Variants in ATAD2B observed in about 807,000 individuals in gnomAD.
ATAD2B encodes the protein ATPase family AAA domain containing 2B, also known as ATPase family AAA domain-containing protein 2B.
A neutral mutation model predicts 167.6 loss-of-function variants in ATAD2B; 40 were observed. The observed-to-expected ratio is 0.24, with a 90% CI of 0.19 to 0.31. The LOEUF is 0.31. Ranked by LOEUF, ATAD2B falls within the 10% of genes least tolerant of loss-of-function variation. The pLI, the probability that ATAD2B is intolerant of heterozygous loss-of-function variation, is 1.00. For missense variants in ATAD2B, 1,242 were observed against 1,757.2 expected (o/e 0.71, Z 5.24); for synonymous variants, 579 against 596.5 (o/e 0.97, Z 0.43).
chr2:23,818,308 GAGAA>G (rs1686891916), intron 17 of ATAD2B, among the ~76,000 whole-genome samples: 2 of 121,486 alleles, frequency 1.6e-5, no homozygotes, highest in South Asian at 3.0e-4. Flanking sequence ...GAGAGAGAGA[GAGAA>G]AGAGAGAGAG....
chr2:23,901,397 T>C (rs1411511005), intron 1 of ATAD2B, among the ~76,000 whole-genome samples: 6 of 151,620 alleles, frequency 4.0e-5, no homozygotes, highest in Admixed American at 1.3e-4. Flanking sequence ...CTGAAGAATC[T>C]AGCCTAAATT....
In ATAD2B at chr2:23,861,478, T is replaced by TA. The variant is rs201161040; in HGVS notation, c.1479+1902dup. The stretch of plus-strand genomic sequence containing the variant: ...AACTTAGGAATGCAGAATCTTTCAT[T>TA]AAAAAAAAAAAAAAAAATCAGGATT... On this transcript the variant is annotated intron_variant, in intron 12 of 27. Coordinates refer to ENST00000238789, the MANE Select transcript of ATAD2B (RefSeq NM_017552.4). Among the ~76,000 whole-genome samples, 387 of 131,536 alleles carry TA rather than the reference T, an allele frequency of 2.9e-3. 1 individual carries two copies. The highest frequency in any genetic ancestry group is 9.3e-3 in the South Asian group (38 of 4,078). 86.3% of individuals were successfully genotyped at this position (131,536 alleles called of 152,430 possible). A position where few individuals can be genotyped will look rare whatever the true frequency, so the allele number is the denominator to read the frequency against.
the ATAD2B span, chr2:23,703,513 T>C: frequency 9.4e-7 from 1 of 1,062,048 alleles, no homozygotes; most frequent in Non-Finnish European, 1.3e-6. Flanking sequence ...GTGGCAGGAG[T>C]TGCCGAGCCC....
chr2:23,835,733 C>T (rs1440165895), intron 13 of ATAD2B, among the ~76,000 whole-genome samples: 2 of 152,042 alleles, frequency 1.3e-5, no homozygotes, highest in Non-Finnish European at 2.9e-5. Context: ...GTCAGGAATT[C>T]GAGACCAGCC....
intron 1 of ATAD2B, among the ~76,000 whole-genome samples, chr2:23,901,548 C>A (rs1002577703): frequency 6.6e-6 from 1 of 151,970 alleles, no homozygotes; most frequent in African/African-American, 2.4e-5. Context: ...TCCTGAATTA[C>A]AAAAACGTAC....
intron 22 of ATAD2B, among the ~76,000 whole-genome samples, chr2:23,772,960 T>C (rs1678561185): frequency 6.6e-6 from 1 of 152,194 alleles, no homozygotes; most frequent in African/African-American, 2.4e-5. Context: ...CACACTGGCC[T>C]CACATTCCTG....
At chr2:23,793,964 T>C (rs372146104) in intron 19 of ATAD2B, among the ~76,000 whole-genome samples, 12 of 152,204 alleles carry the variant, frequency 7.9e-5, no homozygotes, top group African/African-American at 2.9e-4. Flanking sequence ...TTCCAAAATA[T>C]AGAAAGAACA....
intron 21 of ATAD2B, chr2:23,785,818 G>C (rs1680729561): frequency 6.6e-6 from 3 of 455,836 alleles, no homozygotes; most frequent in Admixed American, 7.9e-5. Flanking sequence ...TAATAATTAA[G>C]AGGCCAATAT....
chr2:23,910,717 A>C lies in ATAD2B; in HGVS notation c.217-14747T>G, dbSNP rs531458280. On this transcript the variant is annotated intron_variant, in intron 1 of 27. Transcript: ENST00000238789. ...AGTCCTTCTCTGCTAAAAATACAAA[A>C]ATTAGCTGGGCGTGGGGGAGCACGC... Among the ~76,000 whole-genome samples, 116 of 150,970 alleles carry C rather than the reference A, an allele frequency of 7.7e-4. 1 individual carries two copies. The highest frequency in any genetic ancestry group is 2.7e-3 in the African/African-American group (112 of 41,136).
the ATAD2B span, among the ~76,000 whole-genome samples, chr2:23,715,095 A>G: frequency 6.6e-6 from 1 of 152,190 alleles, no homozygotes. Flanking sequence ...CCACACATCC[A>G]ATGACAGCTG....
At position 23,758,016 on chromosome 2, in the gene ATAD2B, A is replaced by T; in HGVS notation, c.3480T>A (p.Asp1160Glu). The T allele has an allele frequency of 6.2e-7, 1 of 1,610,184 alleles. No homozygotes were observed. Among genetic ancestry groups the T allele is most frequent in the East Asian group, 2.2e-5 (1 of 44,812 alleles). The change falls in exon 25 of 28, where the codon GAT becomes GAA. Residue 1160 changes from aspartate (D) to glutamate (E), a missense_variant. Transcript: ENST00000238789. ...AGTCTGCAAATTTGGTGTCTTCTTCATCTTTTTTTAAATTATTAACTTTCC... is the reference window on the plus strand; with the variant it reads ...AGTCTGCAAATTTGGTGTCTTCTTCTTCTTTTTTTAAATTATTAACTTTCC... Reference protein sequence around the residue: ...KKRKVNNLKKDEEDTKFADYE... With the variant: ...KKRKVNNLKKEEEDTKFADYE...
chr2:23,717,090 C>CACTGG, the ATAD2B span, among the ~76,000 whole-genome samples: 1 of 152,130 alleles, frequency 6.6e-6, no homozygotes, highest in African/African-American at 2.4e-5. Flanking sequence ...ACCTAAAGAC[C>CACTGG]ACTGGACAAC....
At chr2:23,715,863 T>C in the ATAD2B span, among the ~76,000 whole-genome samples, 1 of 152,244 alleles carries the variant, frequency 6.6e-6, no homozygotes, top group African/African-American at 2.4e-5. Context: ...TATTAAAGTA[T>C]GATAAACTAC....
chr2:23,812,104 T>C (rs1463299310), intron 17 of ATAD2B, among the ~76,000 whole-genome samples: 3 of 151,864 alleles, frequency 2.0e-5, no homozygotes, highest in Non-Finnish European at 4.4e-5. Context: ...AAAGCAAATT[T>C]AAAATGGAAC....
At chr2:23,740,665 C>T in the ATAD2B span, among the ~76,000 whole-genome samples, 1 of 152,172 alleles carries the variant, frequency 6.6e-6, no homozygotes. Context: ...CCTCTCTCAC[C>T]ACTCCTATTC....
chr2:23,679,664 G>A, the ATAD2B span, among the ~76,000 whole-genome samples: 10 of 145,336 alleles, frequency 6.9e-5, no homozygotes, highest in Admixed American at 3.4e-4. Flanking sequence ...ATAAAAATAT[G>A]AATAAAACAT....
rs557359113 is a variant in ATAD2B at position 23,910,483 on chromosome 2, ACT to A, written c.217-14515_217-14514del. ...GTGAGCCACTGCGCCCGGCCTGCATACTCTTTTATCTTCATTGTCTGGTCACT... is the reference window on the plus strand; with the variant it reads ...GTGAGCCACTGCGCCCGGCCTGCATACTTTTATCTTCATTGTCTGGTCACT... On this transcript the variant is annotated intron_variant, in intron 1 of 27. Transcript: ENST00000238789. Among the ~76,000 whole-genome samples the A allele has an allele frequency of 1.5e-3, 225 of 150,824 alleles. 9 individuals are homozygous for A. The South Asian group carries it at 0.045, about 30-fold the overall frequency.
intron 1 of ATAD2B, among the ~76,000 whole-genome samples, chr2:23,921,205 CAAAAAAAAAAAA>C (rs61004964): frequency 9.3e-5 from 3 of 32,288 alleles, no homozygotes; most frequent in African/African-American, 1.3e-4. Context: ...GACTCCATCT[CAAAAAAAAAAAA>C]AAAAAAAAAA....
chr2:23,816,102 A>G (rs993419667), intron 17 of ATAD2B, among the ~76,000 whole-genome samples: 1 of 152,176 alleles, frequency 6.6e-6, no homozygotes, highest in Non-Finnish European at 1.5e-5. Context: ...AAACAAAAAG[A>G]TATTATATTC....
Sources: gnomAD v4.1 joint callset for allele counts (sites outside exome capture counted in the v4.1 genomes callset) on GRCh38, gnomAD v4.1.1 for gene constraint, MANE v1.5 for transcripts, NCBI Gene and HGNC (gene_info 2026-07-23, HGNC 2026-07-21) for gene names.